VPS54: variants seen among roughly 807,000 people sequenced by gnomAD.
VPS54 encodes VPS54 subunit of GARP complex.
VPS54 carries 45 observed loss-of-function variants against 121.5 expected under a neutral mutation model. That is an observed-to-expected ratio of 0.37 (90% confidence interval 0.29 to 0.47). The LOEUF is 0.47. Ranked by LOEUF, VPS54 falls within the 20% of genes least tolerant of loss-of-function variation. The pLI, the probability that VPS54 is intolerant of heterozygous loss-of-function variation, is 0.99. For missense variants in VPS54, 1,090 were observed against 1,131.4 expected, an observed-to-expected ratio of 0.96 and a Z score of 0.52; for synonymous variants, 371 against 385.8, an observed-to-expected ratio of 0.96 and a Z score of 0.45.
intron 16 of VPS54, among the ~76,000 whole-genome samples, 159 bp from the exon 17 acceptor site, chr2:63,914,446 C>T (rs539254090): frequency 6.6e-6 from 1 of 152,278 alleles, no homozygotes; most frequent in Admixed American, 6.5e-5. Context: ...ACTAGTACAG[C>T]AGGTTCTTGA....
intron 7 of VPS54, among the ~76,000 whole-genome samples, chr2:63,960,459 T>C (rs1675705150): frequency 6.6e-6 from 1 of 152,166 alleles, no homozygotes; most frequent in African/African-American, 2.4e-5. Flanking sequence ...TTACTTTTCA[T>C]GAGTATTGAC....
intron 1 of VPS54, among the ~76,000 whole-genome samples, chr2:64,003,727 G>A (rs372682135): frequency 6.6e-6 from 1 of 152,108 alleles, no homozygotes; most frequent in Non-Finnish European, 1.5e-5. Context: ...AAAAAAAAAG[G>A]ATTTCCAAGG....
At chr2:63,988,021 G>A (rs906784690) in intron 1 of VPS54, among the ~76,000 whole-genome samples, 6 of 152,132 alleles carry the variant, frequency 3.9e-5, no homozygotes, top group African/African-American at 1.4e-4. Context: ...TCTTTCTCCT[G>A]TCTGACTGCT....
chr2:63,909,478 G>A (rs1179698549), intron 20 of VPS54, among the ~76,000 whole-genome samples: 1 of 131,362 alleles, frequency 7.6e-6, no homozygotes, highest in African/African-American at 3.0e-5. Flanking sequence ...CTGGAGTGCA[G>A]TGGCGTGATC....
intron 1 of VPS54, among the ~76,000 whole-genome samples, chr2:63,998,466 T>TAC (rs1214680766): frequency 2.0e-5 from 3 of 152,198 alleles, no homozygotes; most frequent in African/African-American, 7.2e-5. Context: ...TTCTGGTTGT[T>TAC]TCGTAGTCTT....
At chr2:63,906,214 C>G (rs1672897345) in intron 20 of VPS54, among the ~76,000 whole-genome samples, 1 of 152,110 alleles carries the variant, frequency 6.6e-6, no homozygotes, top group Admixed American at 6.5e-5. Flanking sequence ...AAAAGGTATA[C>G]AGATTGAAAA....
intron 15 of VPS54, among the ~76,000 whole-genome samples, chr2:63,919,670 T>C (rs771761819): frequency 6.6e-6 from 1 of 152,090 alleles, no homozygotes; most frequent in Non-Finnish European, 1.5e-5. Context: ...GTAAAGAACA[T>C]GGTCCAGTGT....
chr2:64,000,201 G>A (rs1464416840), intron 1 of VPS54, among the ~76,000 whole-genome samples: 1 of 152,064 alleles, frequency 6.6e-6, no homozygotes, highest in East Asian at 1.9e-4. Context: ...TCTTCAGTAT[G>A]TCAATTGCAT....
chr2:63,918,478 TG>T (rs1177841457), intron 15 of VPS54, among the ~76,000 whole-genome samples: 1 of 56,258 alleles, frequency 1.8e-5, no homozygotes, highest in African/African-American at 1.2e-4. Context: ...TGATTTGGAG[TG>T]GTCAGAGTTT....
chr2:63,930,073 C>A (rs1320243434), intron 12 of VPS54, among the ~76,000 whole-genome samples: 1 of 151,654 alleles, frequency 6.6e-6, no homozygotes, highest in East Asian at 1.9e-4. Flanking sequence ...CAGCTGAATT[C>A]TACCAGAGGT....
chr2:63,993,132 C>G (rs1677407912), intron 1 of VPS54, among the ~76,000 whole-genome samples: 1 of 152,140 alleles, frequency 6.6e-6, no homozygotes, highest in African/African-American at 2.4e-5. Context: ...ATTCAACAGA[C>G]CACTCCTGTT....
intron 16 of VPS54, among the ~76,000 whole-genome samples, chr2:63,916,424 A>T (rs1673381153): frequency 6.6e-6 from 1 of 152,202 alleles, no homozygotes; most frequent in Non-Finnish European, 1.5e-5. Flanking sequence ...CTATCAACTT[A>T]TTAGGTGCTA....
intron 3 of VPS54, among the ~76,000 whole-genome samples, chr2:63,977,195 T>A (rs1676583057): frequency 6.6e-6 from 1 of 152,196 alleles, no homozygotes; most frequent in African/African-American, 2.4e-5. Context: ...CAGCTTTTGC[T>A]TTTGTTGATT....
chr2:63,941,458 C>G (rs1674727986), intron 11 of VPS54, among the ~76,000 whole-genome samples: 1 of 152,138 alleles, frequency 6.6e-6, no homozygotes, highest in African/African-American at 2.4e-5. Flanking sequence ...AACTCCTGAG[C>G]TCAAGTGATC....
At chr2:63,956,281 C>G (rs1015443593) in intron 7 of VPS54, among the ~76,000 whole-genome samples, 1 of 151,984 alleles carries the variant, frequency 6.6e-6, no homozygotes, top group African/African-American at 2.4e-5. Flanking sequence ...TTTGATACAT[C>G]CAATAATAAA....
intron 7 of VPS54, among the ~76,000 whole-genome samples, chr2:63,951,985 G>T (rs998929122): frequency 6.6e-6 from 1 of 152,068 alleles, no homozygotes; most frequent in Non-Finnish European, 1.5e-5. Flanking sequence ...ACTATTTACT[G>T]AATATCAATG....
intron 20 of VPS54, among the ~76,000 whole-genome samples, chr2:63,909,123 A>G (rs1575892740): frequency 2.0e-5 from 3 of 152,296 alleles, no homozygotes; most frequent in African/African-American, 7.2e-5. Flanking sequence ...CCAAAGCCTT[A>G]AAAGCTCCAG....
intron 15 of VPS54, among the ~76,000 whole-genome samples, chr2:63,917,493 A>G (rs762630456): frequency 5.9e-5 from 9 of 152,020 alleles, no homozygotes; most frequent in Admixed American, 2.6e-4. Flanking sequence ...CTTTATTTTC[A>G]GCATGTGATA....
intron 3 of VPS54, among the ~76,000 whole-genome samples, chr2:63,972,559 G>A (rs932795262): frequency 1.3e-5 from 2 of 152,074 alleles, no homozygotes; most frequent in African/African-American, 4.8e-5. Flanking sequence ...TTTGAATCAA[G>A]AAAGAAAATT....
Sources: gnomAD v4.1 joint callset for allele counts (sites outside exome capture counted in the v4.1 genomes callset) on GRCh38, gnomAD v4.1.1 for gene constraint, MANE v1.5 for transcripts, NCBI Gene and HGNC (gene_info 2026-07-23, HGNC 2026-07-21) for gene names.